Variants in RRP1B observed in about 807,000 individuals in gnomAD.
RRP1B encodes ribosomal RNA processing 1B.
A neutral mutation model predicts 80.2 loss-of-function variants in RRP1B; 56 were observed. That is an observed-to-expected ratio of 0.70 (90% CI 0.56 to 0.87). RRP1B has a LOEUF of 0.87. RRP1B is among the 40% of genes least tolerant of loss of function. The pLI is 0.00. For synonymous variants in RRP1B, 351 were observed against 357.6 expected, an observed-to-expected ratio of 0.98 and a Z score of 0.21; for missense variants, 807 against 939.8, an observed-to-expected ratio of 0.86 and a Z score of 1.85.
Position 43,695,495 on chromosome 21 carries a change from C to T in RRP1B, c.*2112C>T, listed in dbSNP as rs1461223178. On this transcript the variant is annotated 3_prime_UTR_variant, in exon 16 of 16. Coordinates refer to ENST00000340648, the MANE Select transcript of RRP1B (RefSeq NM_015056.3). ...TTCTATTGGTCCTTCTCTCATTCTCCGAACTTACTCCTTTTTATGGGTAAG... is the reference window on the plus strand; with the variant it reads ...TTCTATTGGTCCTTCTCTCATTCTCTGAACTTACTCCTTTTTATGGGTAAG... 3.3e-5 allele frequency: 5 copies of T among 152,192 alleles called. No homozygotes were observed. Among genetic ancestry groups the T allele is most frequent in the African/African-American group, 9.6e-5 (4 of 41,456 alleles). 9.4% of individuals were successfully genotyped at this position (152,192 alleles called of 1,614,324 possible).
chr21:43,683,313 C>T lies in RRP1B; in HGVS notation c.831C>T (p.Leu277=). The change falls in exon 9 of 16, where the codon CTC becomes CTT. Residue 277 remains leucine, a synonymous_variant. Coordinates refer to ENST00000340648, the MANE Select transcript of RRP1B (RefSeq NM_015056.3). ...LGKNHSRKDG[L]SDERGRDDCG... ...AAAACCATTCCAGAAAAGATGGACT[C>T]AGTGATGAAAGAGGAAGAGATGACT... The T allele has an allele frequency of 6.2e-7, 1 of 1,614,144 alleles. No homozygotes were observed. Among genetic ancestry groups the T allele is most frequent in the Non-Finnish European group, 8.5e-7 (1 of 1,180,018 alleles).
intron 3 of RRP1B, among the ~76,000 whole-genome samples, chr21:43,673,132 A>G (rs921626787): frequency 6.6e-6 from 1 of 152,180 alleles, no homozygotes; most frequent in Non-Finnish European, 1.5e-5. Flanking sequence ...GAGTTTCTAT[A>G]TGGATTATAT....
chr21:43,674,441 G>A (rs1351500688), intron 4 of RRP1B, among the ~76,000 whole-genome samples, 195 bp from the exon 5 acceptor site: 2 of 152,158 alleles, frequency 1.3e-5, no homozygotes, highest in African/African-American at 4.8e-5. Flanking sequence ...ACAGGCATGA[G>A]CCACTGTTCT....
chr21:43,672,388 C>T (rs1435953931), intron 3 of RRP1B, 23 bp downstream of exon 3: 1 of 1,605,302 alleles, frequency 6.2e-7, no homozygotes, highest in Non-Finnish European at 8.5e-7. Context: ...GTTTCTTCTC[C>T]TTCCTTCCAA....
In RRP1B at chr21:43,659,821, G is replaced by T. The variant is rs1358174673; in HGVS notation, c.130+27G>T. On this transcript the variant is annotated intron_variant, in intron 1 of 15. Coordinates refer to ENST00000340648, the MANE Select transcript of RRP1B (RefSeq NM_015056.3). The surrounding 1 kb of genome is among the most constrained non-coding windows in gnomAD (Gnocchi z 4.2). The stretch of plus-strand genomic sequence containing the variant: ...TGGGCGCACGGCCGCGGTCAGCCGC[G>T]CCACATGGCGGGCCGGGGGCCGGGG... The T allele has an allele frequency of 1.3e-6, 2 of 1,490,310 alleles. No homozygotes were observed. The highest frequency in any genetic ancestry group is 2.2e-5 in the Admixed American group (1 of 45,362). The allele number at this position is 1,490,310 out of a possible 1,614,324, so 92.3% of individuals were successfully genotyped here.
rs1311527880 is a variant in RRP1B at position 43,686,926 on chromosome 21, A to G, written c.1132A>G (p.Lys378Glu). The G allele has an allele frequency of 6.2e-7, 1 of 1,613,442 alleles. No individual in the cohort carries two copies. The highest frequency in any genetic ancestry group is 1.7e-5 in the Admixed American group (1 of 60,008). The change falls in exon 12 of 16, where the codon AAG becomes GAG. Residue 378 changes from lysine to glutamate, a missense_variant. Transcript: ENST00000340648. ...NKLLEKTNLE[K>E]EKGSRVFCVE... ...ACTTTTAGAGAAAACTAACTTGGAA[A>G]AGGAGAAAGGTAAGCTGTAAAGCTA...
chr21:43,662,686 C>G (rs1182495394), intron 1 of RRP1B, among the ~76,000 whole-genome samples: 1 of 152,186 alleles, frequency 6.6e-6, no homozygotes, highest in Non-Finnish European at 1.5e-5. Context: ...AAGTTGGGTG[C>G]TCACAGTCAT....
chr21:43,673,911 G>A lies in RRP1B; in HGVS notation c.313G>A (p.Glu105Lys). Residue 105 changes from glutamate to lysine, a missense_variant, in exon 4 of 16, where the codon GAA becomes AAA. Transcript: ENST00000340648. The part of the protein sequence containing the change: ...IQTFWQTMNR[E>K]WKGIDRLRLD... ...GACCTTTTGGCAAACCATGAATCGAGAATGGAAAGGAATAGACAGGCTACG... is the reference window on the plus strand; with the variant it reads ...GACCTTTTGGCAAACCATGAATCGAAAATGGAAAGGAATAGACAGGCTACG... 1.2e-6 allele frequency: 2 copies of A among 1,613,694 alleles called. No homozygotes were observed. Among genetic ancestry groups the A allele is most frequent in the Non-Finnish European group, 8.5e-7 (1 of 1,179,780 alleles).
intron 6 of RRP1B, 151 bp downstream of exon 6, chr21:43,675,314 C>T (rs1434033362): frequency 2.8e-6 from 2 of 722,266 alleles, no homozygotes; most frequent in African/African-American, 3.5e-5. Context: ...GTGTCCTAAG[C>T]AGCTGGTGGG....
At chr21:43,690,671 T>C (rs2083082761) in intron 14 of RRP1B, among the ~76,000 whole-genome samples, 1 of 152,204 alleles carries the variant, frequency 6.6e-6, no homozygotes, top group South Asian at 2.1e-4. Context: ...CCACACATTC[T>C]GCCTCCCAGG....
At chr21:43,679,209 G>GTTTTTTTT (rs1555879504) in intron 8 of RRP1B, among the ~76,000 whole-genome samples, 2 of 136,458 alleles carry the variant, frequency 1.5e-5, no homozygotes, top group African/African-American at 7.2e-5. Context: ...GTTTTTGAGG[G>GTTTTTTTT]TTTTTTGTTT....
At chr21:43,681,906 G>A (rs368641895) in intron 8 of RRP1B, among the ~76,000 whole-genome samples, 144 of 152,314 alleles carry the variant, frequency 9.5e-4, no homozygotes, top group African/African-American at 3.3e-3. Context: ...AATCATGATC[G>A]TGTCACTGCA....
At position 43,686,857 on chromosome 21, in the gene RRP1B, G is replaced by T; in HGVS notation, c.1063G>T (p.Asp355Tyr). Reference protein sequence around the residue: ...FAEDISADEDDQILSQGKHKK... With the variant: ...FAEDISADEDYQILSQGKHKK... ...GGAGGACATTTCTGCTGATGAAGAT[G>T]ACCAAATCCTCAGTCAAGGAAAGCA... The change falls in exon 12 of 16, where the codon GAC (aspartate) becomes TAC (tyrosine). Residue 355 changes from aspartate (D) to tyrosine (Y), a missense_variant. Physicochemically the swap from Asp to Tyr is radical, Grantham distance 160 (BLOSUM62 -3). Transcript: ENST00000340648. 2 of 1,614,044 alleles carry T rather than the reference G, an allele frequency of 1.2e-6. No homozygotes were observed. The highest frequency in any genetic ancestry group is 2.2e-5 in the South Asian group (2 of 91,048).
intron 13 of RRP1B, 141 bp downstream of exon 13, chr21:43,688,381 A>G: frequency 9.6e-7 from 1 of 1,045,200 alleles, no homozygotes. Context: ...GGGTGTGTTC[A>G]TAACAGCCTT....
chr21:43,690,181 T>C, intron 13 of RRP1B, 107 bp from the exon 14 acceptor site: 1 of 1,332,462 alleles, frequency 7.5e-7, no homozygotes, highest in Admixed American at 2.3e-5. Context: ...GGCCGTCGGG[T>C]GGGCTGGATC....
At chr21:43,676,434 C>A in intron 7 of RRP1B, 98 bp downstream of exon 7, 1 of 928,462 alleles carries the variant, frequency 1.1e-6, no homozygotes, top group Non-Finnish European at 1.7e-6. Context: ...CAGGACACTG[C>A]TTCACAGCAG....
Position 43,687,568 on chromosome 21 carries a change from GAGAAGAAGGA to G in RRP1B, c.1203_1212del (p.Lys402ArgfsTer32). The G allele has an allele frequency of 6.6e-7, 1 of 1,504,908 alleles. No individual in the cohort carries two copies. The highest frequency in any genetic ancestry group is 8.8e-7 in the Non-Finnish European group (1 of 1,134,762). 93.2% of individuals were successfully genotyped at this position (1,504,908 alleles called of 1,614,324 possible). A position where few individuals can be genotyped will look rare whatever the true frequency, so the allele number is the denominator to read the frequency against. On this transcript the variant is annotated frameshift_variant, in exon 13 of 16. Coordinates refer to ENST00000340648, the MANE Select transcript of RRP1B (RefSeq NM_015056.3). LOFTEE classifies it high-confidence loss of function. ...AGGACAGTGAAAGCAGTCTTCAAAA[GAGAAGAAGGA>G]AGAAGAAGAAGAAGCACCACCTGCA...
Position 43,684,288 on chromosome 21 carries a change from G to T in RRP1B, c.892-265G>T, listed in dbSNP as rs1390067151. Among the ~76,000 whole-genome samples, 5 of 151,754 alleles carry T rather than the reference G, an allele frequency of 3.3e-5. No individual in the cohort carries two copies. The East Asian group carries it at 5.9e-4, about 18-fold the overall frequency. ...GGGTTTTGCCGTGTTAGCCAGGATGGTCTCGATGTCCTGACCTTGTGATCC... is the reference window on the plus strand; with the variant it reads ...GGGTTTTGCCGTGTTAGCCAGGATGTTCTCGATGTCCTGACCTTGTGATCC... On this transcript the variant is annotated intron_variant, in intron 9 of 15. Coordinates refer to ENST00000340648, the MANE Select transcript of RRP1B (RefSeq NM_015056.3).
chr21:43,667,713 T>C (rs1236740984), intron 1 of RRP1B, among the ~76,000 whole-genome samples: 2 of 152,196 alleles, frequency 1.3e-5, no homozygotes, highest in African/African-American at 4.8e-5. Flanking sequence ...CGCAGTTGGC[T>C]CAGCTCTAGT....
Sources: gnomAD v4.1 joint callset for allele counts (sites outside exome capture counted in the v4.1 genomes callset) on GRCh38, gnomAD v4.1.1 for gene constraint, Gnocchi (gnomAD v3.1) non-coding constraint, MANE v1.5 for transcripts, NCBI Gene and HGNC (gene_info 2026-07-23, HGNC 2026-07-21) for gene names.